Variants in SCN9A observed in about 807,000 individuals in gnomAD.
SCN9A encodes the protein sodium voltage-gated channel alpha subunit 9.
In SCN9A, 131 loss-of-function variants were observed where a neutral mutation model predicts 187.0. The observed-to-expected ratio is 0.70, with a 90% CI of 0.61 to 0.81. SCN9A has a LOEUF of 0.81. SCN9A is among the 30% of genes least tolerant of loss of function. SCN9A has a pLI of 0.00. For synonymous variants in SCN9A, 809 were observed against 808.6 expected, an observed-to-expected ratio of 1.00 and a Z score of -0.01; for missense variants, 2,252 against 2,396.6, an observed-to-expected ratio of 0.94 and a Z score of 1.26.
rs201189589 is a variant in SCN9A at position 166,272,466 on chromosome 2, T to A, written c.3284A>T (p.Glu1095Val). 1.9e-6 allele frequency: 3 copies of A among 1,611,884 alleles called. No individual in the cohort carries two copies. The African/African-American group carries it at 4.0e-5, about 22-fold the overall frequency. The change falls in exon 17 of 27, where the codon GAA becomes GTA. Residue 1095 changes from glutamate to valine, a missense_variant. This residue lies in a region of SCN9A where 313 missense variants were observed against 295.3 expected (regional missense o/e 1.06). Transcript: ENST00000642356. ...LTVTVPIAPG[E>V]SDLENMNAEE... ...AGCATTCATATTTTCCAAATCGGAT[T>A]CCCCAGGTGCAATTGGCACTGTCAC...
chr2:166,217,631 T>A (rs891693881), intron 24 of SCN9A, among the ~76,000 whole-genome samples: 2 of 152,008 alleles, frequency 1.3e-5, no homozygotes, highest in Non-Finnish European at 2.9e-5. Flanking sequence ...TCTCTAATCA[T>A]CAGAAAAATG....
intron 1 of SCN9A, among the ~76,000 whole-genome samples, chr2:166,320,456 A>G (rs1699210488): frequency 1.3e-5 from 2 of 152,124 alleles, no homozygotes; most frequent in African/African-American, 2.4e-5. Flanking sequence ...TAAATTGGAG[A>G]CAATTTGCAA....
rs1558938341 is a variant in SCN9A at position 166,198,691 on chromosome 2, CTG to C, written c.5946_5947del (p.Asp1982GlufsTer12). On this transcript the variant is annotated frameshift_variant, in exon 27 of 27. Coordinates refer to ENST00000642356, the MANE Select transcript of SCN9A (RefSeq NM_001365536.1). LOFTEE classifies it high-confidence loss of function. The stretch of plus-strand genomic sequence containing the variant: ...GAAGCTCTATTTTTTGCTTTCCTTG[CTG>C]TCTTTCCCTTTGTCTTCCTTTTCTG... 1.3e-6 allele frequency: 2 copies of C among 1,597,674 alleles called. No homozygotes were observed. Among genetic ancestry groups the C allele is most frequent in the South Asian group, 2.3e-5 (2 of 87,022 alleles).
intron 1 of SCN9A, among the ~76,000 whole-genome samples, chr2:166,362,247 C>A (rs1700303105): frequency 6.6e-6 from 1 of 151,932 alleles, no homozygotes; most frequent in African/African-American, 2.4e-5. Context: ...CTTTTGCAAA[C>A]TAACATGTTC....
At chr2:166,307,148 C>T in intron 2 of SCN9A, 74 bp from the exon 3 acceptor site, 2 of 838,814 alleles carry the variant, frequency 2.4e-6, no homozygotes, top group Non-Finnish European at 4.0e-6. Flanking sequence ...CAGCAGTTTA[C>T]CTTTCTACAT....
At chr2:166,337,469 AT>A (rs1268508055) in intron 1 of SCN9A, among the ~76,000 whole-genome samples, 1 of 152,128 alleles carries the variant, frequency 6.6e-6, no homozygotes, top group African/African-American at 2.4e-5. Flanking sequence ...TATAAAGAGT[AT>A]TTTGACATTG....
chr2:166,316,935 G>A (rs1199089093), intron 1 of SCN9A, among the ~76,000 whole-genome samples: 1 of 151,900 alleles, frequency 6.6e-6, no homozygotes, highest in African/African-American at 2.4e-5. Flanking sequence ...ATGAAGTAAT[G>A]AATGTATAAT....
chr2:166,257,222 T>C (rs563170146), intron 17 of SCN9A, among the ~76,000 whole-genome samples: 1 of 151,738 alleles, frequency 6.6e-6, no homozygotes, highest in Non-Finnish European at 1.5e-5. Context: ...TTTTGCTATT[T>C]ATGCCAGCTT....
At chr2:166,337,559 G>A (rs560036890) in intron 1 of SCN9A, among the ~76,000 whole-genome samples, 2 of 152,094 alleles carry the variant, frequency 1.3e-5, no homozygotes, top group African/African-American at 4.8e-5. Context: ...TACAAAACAT[G>A]GCAAAACAGC....
Position 166,303,258 on chromosome 2 carries a change from G to T in SCN9A, c.733C>A (p.Leu245Ile), listed in dbSNP as rs756247571. Residue 245 changes from leucine to isoleucine, a missense_variant, in exon 7 of 27, where the codon CTT becomes ATT. Coordinates refer to ENST00000642356, the MANE Select transcript of SCN9A (RefSeq NM_001365536.1). ...VGALIQSVKK[L>I]SDVMILTVFC... ...ACAGTCAGGATCATGACATCAGAAAGCTTCTTCACTGACTGGATCAAAGCC... is the reference window on the plus strand; with the variant it reads ...ACAGTCAGGATCATGACATCAGAAATCTTCTTCACTGACTGGATCAAAGCC... 6.2e-7 allele frequency: 1 copy of T among 1,613,602 alleles called. No individual in the cohort carries two copies. Among genetic ancestry groups the T allele is most frequent in the Non-Finnish European group, 8.5e-7 (1 of 1,179,704 alleles).
chr2:166,274,596 A>G (rs550760240), intron 16 of SCN9A, among the ~76,000 whole-genome samples: 2 of 152,292 alleles, frequency 1.3e-5, no homozygotes, highest in African/African-American at 4.8e-5. Flanking sequence ...TTTTAATTCT[A>G]TGATATTGGT....
In SCN9A at chr2:166,198,553, G is replaced by T; in HGVS notation, c.*119C>A. On this transcript the variant is annotated 3_prime_UTR_variant, in exon 27 of 27. Transcript: ENST00000642356. ...TCTTAGGAAATCAGAGTTAGTGACT[G>T]CACTGCCTTCGAGAATATTTTGATA... is the stretch of plus-strand genomic sequence containing the variant. 1 of 738,758 alleles carries T rather than the reference G, an allele frequency of 1.4e-6. No homozygotes were observed. The highest frequency in any genetic ancestry group is 2.2e-6 in the Non-Finnish European group (1 of 462,996). 45.8% of individuals were successfully genotyped at this position (738,758 alleles called of 1,614,324 possible). A position where few individuals can be genotyped will look rare whatever the true frequency, so the allele number is the denominator to read the frequency against.
Position 166,259,627 on chromosome 2 carries a change from G to A in SCN9A, c.3352-7742C>T, listed in dbSNP as rs1373666499. Among the ~76,000 whole-genome samples the A allele has an allele frequency of 3.3e-5, 5 of 151,710 alleles. No homozygotes were observed. In the Admixed American group the frequency reaches 3.3e-4, roughly 10 times the overall value. The stretch of plus-strand genomic sequence containing the variant: ...AACATTTAAATATAAGTGATTCTCA[G>A]TATAGGGGGTGAGGTGGCAGTAAGA... On this transcript the variant is annotated intron_variant, in intron 17 of 26. Transcript: ENST00000642356.
intron 6 of SCN9A, chr2:166,304,021 C>T (rs1698668577): frequency 6.2e-7 from 1 of 1,611,556 alleles, no homozygotes; most frequent in Non-Finnish European, 8.5e-7. Flanking sequence ...GTGTTTAACC[C>T]CACTCTCACC....
At chr2:166,372,287 T>TG (rs1411342444) in intron 1 of SCN9A, among the ~76,000 whole-genome samples, 1 of 152,216 alleles carries the variant, frequency 6.6e-6, no homozygotes, top group African/African-American at 2.4e-5. Flanking sequence ...CCTTTGTACC[T>TG]GGGGCAAACA....
chr2:166,247,248 C>T (rs1695835015), intron 18 of SCN9A, among the ~76,000 whole-genome samples: 1 of 149,276 alleles, frequency 6.7e-6, no homozygotes, highest in Admixed American at 6.7e-5. Context: ...ACCATAACAG[C>T]ATGATCAATA....
At chr2:166,375,165 T>C (rs1222015934) in intron 1 of SCN9A, among the ~76,000 whole-genome samples, 1 of 152,156 alleles carries the variant, frequency 6.6e-6, no homozygotes, top group Non-Finnish European at 1.5e-5. Context: ...CGCTGAGAAA[T>C]AGGGGCAGAG....
chr2:166,312,699 T>C (rs1698998351), intron 1 of SCN9A, among the ~76,000 whole-genome samples: 1 of 152,196 alleles, frequency 6.6e-6, no homozygotes, highest in Non-Finnish European at 1.5e-5. Flanking sequence ...GCCCATAGGC[T>C]ACAGAATGGA....
intron 14 of SCN9A, among the ~76,000 whole-genome samples, chr2:166,279,082 A>G (rs572307089): frequency 1.8e-4 from 27 of 151,838 alleles, no homozygotes; most frequent in African/African-American, 6.5e-4. Flanking sequence ...GTGACCAGGT[A>G]AATCCTTTCT....
Sources: gnomAD v4.1 joint callset for allele counts (sites outside exome capture counted in the v4.1 genomes callset) on GRCh38, gnomAD v4.1.1 for gene constraint, gnomAD v4.1.1 regional missense constraint, MANE v1.5 for transcripts, NCBI Gene and HGNC (gene_info 2026-07-23, HGNC 2026-07-21) for gene names.